The following CHLSN variants were observed in gnomAD, a reference collection of about 807,000 sequenced individuals.
CHLSN encodes the protein protein cholesin.
chr7:1,014,511 T>C, the CHLSN span, among the ~76,000 whole-genome samples: 1 of 152,226 alleles, frequency 6.6e-6, no homozygotes, highest in African/African-American at 2.4e-5. Context: ...ACACACTGGC[T>C]CTTCCTGGAG....
the CHLSN span, chr7:1,092,787 C>T: frequency 4.5e-5 from 72 of 1,613,498 alleles, no homozygotes; most frequent in East Asian, 4.9e-4. Context: ...GCTTCTGTCA[C>T]GCTGCCCTGA....
chr7:1,108,826 G>T, the CHLSN span, among the ~76,000 whole-genome samples: 6,317 of 151,530 alleles, frequency 0.042, 333 homozygotes, highest in African/African-American at 0.13. Context: ...CGGCTGCTGG[G>T]TCTCTTCTTT....
chr7:1,058,367 G>A, the CHLSN span: 7 of 780,198 alleles, frequency 9.0e-6, no homozygotes, highest in Non-Finnish European at 1.7e-5. Flanking sequence ...CCAAACTCCT[G>A]GCCTTCTCCA....
the CHLSN span, among the ~76,000 whole-genome samples, chr7:989,985 G>T: frequency 5.4e-4 from 57 of 105,488 alleles, 1 homozygote; most frequent in African/African-American, 2.0e-3. Flanking sequence ...CGTGTGCTGG[G>T]GGCGGTGTGG....
the CHLSN span, among the ~76,000 whole-genome samples, chr7:1,017,506 C>T: frequency 6.6e-6 from 1 of 152,150 alleles, no homozygotes; most frequent in South Asian, 2.1e-4. Flanking sequence ...GCTCCAGTGT[C>T]GCTGCCATCG....
the CHLSN span, among the ~76,000 whole-genome samples, chr7:1,040,838 G>A: frequency 7.2e-5 from 11 of 152,226 alleles, no homozygotes; most frequent in African/African-American, 1.9e-4. Context: ...AAAGCCTAGC[G>A]TCTAGAACAC....
chr7:1,062,819 G>A, the CHLSN span, among the ~76,000 whole-genome samples: 1 of 152,202 alleles, frequency 6.6e-6, no homozygotes, highest in African/African-American at 2.4e-5. Flanking sequence ...GGAAGTGAAG[G>A]AAGAGCAGAG....
the CHLSN span, among the ~76,000 whole-genome samples, chr7:1,136,093 A>AAT: frequency 8.9e-6 from 1 of 112,510 alleles, no homozygotes; most frequent in Non-Finnish European, 1.6e-5. Context: ...AATTTATATA[A>AAT]ATGTGTATAT....
At chr7:991,335 G>A in the CHLSN span, among the ~76,000 whole-genome samples, 30 of 152,294 alleles carry the variant, frequency 2.0e-4, no homozygotes, top group African/African-American at 7.0e-4. Flanking sequence ...CTCCTCCACG[G>A]GGTACAGCCA....
chr7:988,814 A>C, the CHLSN span: 1 of 1,558,478 alleles, frequency 6.4e-7, no homozygotes, highest in Non-Finnish European at 8.7e-7. Flanking sequence ...TGCGGTGCCC[A>C]GGCCCTAGGA....
chr7:1,130,709 C>T, the CHLSN span, among the ~76,000 whole-genome samples: 5 of 142,210 alleles, frequency 3.5e-5, no homozygotes, highest in South Asian at 7.9e-4. Context: ...ATGTGGGCCC[C>T]GGGCGGGTGG....
chr7:1,058,603 G>A, the CHLSN span: 2 of 643,802 alleles, frequency 3.1e-6, no homozygotes, highest in South Asian at 1.8e-5. Flanking sequence ...CTTCCAGAAG[G>A]AGACGAGCTG....
At chr7:1,085,467 C>T in the CHLSN span, among the ~76,000 whole-genome samples, 43 of 152,216 alleles carry the variant, frequency 2.8e-4, no homozygotes, top group Middle Eastern at 3.4e-3. Flanking sequence ...GTTTCTGCAA[C>T]CATGAGACGG....
chr7:1,131,552 AT>A, the CHLSN span, among the ~76,000 whole-genome samples: 1 of 152,240 alleles, frequency 6.6e-6, no homozygotes, highest in Non-Finnish European at 1.5e-5. Flanking sequence ...ATTGAGCCTT[AT>A]CTTTAAAAAG....
At chr7:1,016,723 A>ACACGCCAGCG in the CHLSN span, among the ~76,000 whole-genome samples, 8 of 83,372 alleles carry the variant, frequency 9.6e-5, no homozygotes, top group African/African-American at 1.5e-4. Context: ...GCACAGCAGC[A>ACACGCCAGCG]CACAGCAGCA....
At chr7:985,045 GA>G in the CHLSN span, 3 of 1,612,510 alleles carry the variant, frequency 1.9e-6, no homozygotes, top group Non-Finnish European at 2.5e-6. Flanking sequence ...GCCGGTGGCT[GA>G]CAAGATTCTG....
the CHLSN span, among the ~76,000 whole-genome samples, chr7:992,985 G>A: frequency 2.0e-5 from 3 of 152,342 alleles, no homozygotes; most frequent in Middle Eastern, 3.4e-3. Context: ...GGTAGCTCCT[G>A]CTGCATAACA....
At chr7:993,805 G>A in the CHLSN span, among the ~76,000 whole-genome samples, 1 of 152,152 alleles carries the variant, frequency 6.6e-6, no homozygotes, top group Non-Finnish European at 1.5e-5. Flanking sequence ...TTGGGGGCTT[G>A]GAGGGAGGAC....
At chr7:1,073,630 A>C in the CHLSN span, among the ~76,000 whole-genome samples, 4 of 151,996 alleles carry the variant, frequency 2.6e-5, no homozygotes, top group Non-Finnish European at 5.9e-5. Context: ...TCGCCTGTTC[A>C]AAGCCGCCAC....
Sources: allele counts gnomAD v4.1 joint callset (sites outside exome capture counted in the v4.1 genomes callset), GRCh38; gene constraint gnomAD v4.1.1; transcripts MANE v1.5; gene names NCBI Gene and HGNC (gene_info 2026-07-23, HGNC 2026-07-21).